Variants in LRRC4C observed in about 807,000 individuals in gnomAD.
The protein encoded by LRRC4C is leucine-rich repeat-containing protein 4C.
Under a neutral mutation model 33.6 loss-of-function variants are expected in LRRC4C, and 5 were observed. The observed-to-expected ratio is 0.15, with a 90% confidence interval of 0.08 to 0.31. LRRC4C has a LOEUF of 0.31. Ranked by LOEUF, LRRC4C falls within the 10% of genes least tolerant of loss-of-function variation. The pLI, the probability that LRRC4C is intolerant of heterozygous loss-of-function variation, is 1.00. For missense variants in LRRC4C, 560 were observed against 796.7 expected (o/e 0.70, Z 3.58); for synonymous variants, 329 against 302.0 (o/e 1.09, Z -0.93).
chr11:40,916,972 C>G (rs1956989287), intron 2 of LRRC4C, among the ~76,000 whole-genome samples: 1 of 152,018 alleles, frequency 6.6e-6, no homozygotes, highest in South Asian at 2.1e-4. Flanking sequence ...ACAGTATTTT[C>G]TAATATTTTC....
chr11:40,446,473 T>C (rs1292313032), intron 3 of LRRC4C: 1 of 152,176 alleles, frequency 6.6e-6, no homozygotes, highest in Non-Finnish European at 1.5e-5. Context: ...TTACTTGATA[T>C]GTGGGTGTGT....
chr11:41,449,966 A>G (rs1434126499), intron 1 of LRRC4C, among the ~76,000 whole-genome samples: 3 of 152,130 alleles, frequency 2.0e-5, no homozygotes, highest in Non-Finnish European at 1.5e-5. Flanking sequence ...TCATCCCTCT[A>G]GCTTGAGAGA....
chr11:41,110,908 G>A (rs1248189526), intron 1 of LRRC4C, among the ~76,000 whole-genome samples: 1 of 151,970 alleles, frequency 6.6e-6, no homozygotes, highest in Non-Finnish European at 1.5e-5. Flanking sequence ...TGGAGATCTT[G>A]TTAACACATA....
Position 40,389,722 on chromosome 11 carries a change from G to A in LRRC4C, c.-269-70001C>T, listed in dbSNP as rs538429445. Among the ~76,000 whole-genome samples, 4 of 152,176 alleles carry A rather than the reference G, an allele frequency of 2.6e-5. No individual in the cohort carries two copies. In the South Asian group the frequency reaches 8.3e-4, roughly 32 times the overall value. On this transcript the variant is annotated intron_variant, in intron 3 of 6. Transcript: ENST00000528697. ...TACAGTGAAGGATTATCTGATAAAAGCTATAAAAATGAGACACACTGCTGT... is the reference window on the plus strand; with the variant it reads ...TACAGTGAAGGATTATCTGATAAAAACTATAAAAATGAGACACACTGCTGT...
chr11:40,281,838 A>T (rs183604797), intron 4 of LRRC4C, among the ~76,000 whole-genome samples: 1 of 152,278 alleles, frequency 6.6e-6, no homozygotes, highest in Non-Finnish European at 1.5e-5. Flanking sequence ...TATCATCAGA[A>T]AAAGGCTTTC....
intron 4 of LRRC4C, among the ~76,000 whole-genome samples, chr11:40,296,565 G>A (rs924257716): frequency 6.6e-6 from 1 of 152,138 alleles, no homozygotes; most frequent in Non-Finnish European, 1.5e-5. Flanking sequence ...CATGCAGGCT[G>A]TCATTTTCTG....
intron 2 of LRRC4C, among the ~76,000 whole-genome samples, chr11:40,821,183 T>C (rs902928569): frequency 3.6e-4 from 54 of 151,822 alleles, no homozygotes; most frequent in African/African-American, 1.3e-3. Context: ...TTCATGTTCA[T>C]GGATTGAAAC....
rs34749380 is a variant in LRRC4C at position 40,432,189 on chromosome 11, A to AT, written c.-269-112469dup. Among the ~76,000 whole-genome samples the AT allele has an allele frequency of 1.3e-3, 193 of 150,746 alleles. 1 individual carries two copies. The highest frequency in any genetic ancestry group is 2.1e-3 in the Non-Finnish European group (144 of 67,594). ...ACCTAACCACCCACATGTGCCATGC[A>AT]TTTTTTTTTTCTTCTTTGACATGCC... On this transcript the variant is annotated intron_variant, in intron 3 of 6. Coordinates refer to ENST00000528697, the MANE Select transcript of LRRC4C (RefSeq NM_001258419.2).
chr11:40,354,091 A>G (rs1306196535), intron 3 of LRRC4C, among the ~76,000 whole-genome samples: 1 of 152,174 alleles, frequency 6.6e-6, no homozygotes, highest in African/African-American at 2.4e-5. Context: ...AAATCCAGTA[A>G]TTCTGTGACT....
At chr11:40,317,445 C>G (rs185253506) in intron 4 of LRRC4C, among the ~76,000 whole-genome samples, 1 of 152,078 alleles carries the variant, frequency 6.6e-6, no homozygotes, top group Non-Finnish European at 1.5e-5. Flanking sequence ...GAAGGATGCT[C>G]TAGCTTGAAA....
chr11:40,426,746 G>C (rs190410132), intron 3 of LRRC4C, among the ~76,000 whole-genome samples: 5 of 152,204 alleles, frequency 3.3e-5, no homozygotes, highest in Non-Finnish European at 7.3e-5. Flanking sequence ...CAGGTATAGA[G>C]AAGTTTGTCC....
intron 2 of LRRC4C, among the ~76,000 whole-genome samples, chr11:40,849,478 T>C (rs1350310281): frequency 6.6e-6 from 1 of 152,234 alleles, no homozygotes; most frequent in Non-Finnish European, 1.5e-5. Context: ...CCCCACTCTC[T>C]TCTGGCTTGC....
intron 2 of LRRC4C, among the ~76,000 whole-genome samples, chr11:40,798,750 T>C (rs552607194): frequency 4.6e-5 from 7 of 151,866 alleles, no homozygotes; most frequent in Non-Finnish European, 8.8e-5. Flanking sequence ...TTCAAGTGAT[T>C]CTCCTGCCTC....
intron 1 of LRRC4C, among the ~76,000 whole-genome samples, chr11:41,096,823 C>T (rs1282027860): frequency 1.3e-5 from 2 of 152,048 alleles, no homozygotes; most frequent in Non-Finnish European, 2.9e-5. Context: ...ATCCAAAGAG[C>T]AAAGAAGAGC....
chr11:41,106,884 T>G (rs991601727), intron 1 of LRRC4C, among the ~76,000 whole-genome samples: 3 of 151,760 alleles, frequency 2.0e-5, no homozygotes, highest in African/African-American at 7.3e-5. Context: ...GACATGGTGG[T>G]GTTCTGTAGT....
At chr11:40,116,430 C>G in intron 6 of LRRC4C, 96 bp from the exon 7 acceptor site, 1 of 1,273,412 alleles carries the variant, frequency 7.9e-7, no homozygotes, top group Non-Finnish European at 1.1e-6. Context: ...TCAGCTAAAG[C>G]CATCATGTGT....
chr11:41,412,565 G>A (rs982788026), intron 1 of LRRC4C, among the ~76,000 whole-genome samples: 6 of 152,202 alleles, frequency 3.9e-5, no homozygotes, highest in African/African-American at 9.6e-5. Flanking sequence ...CACATCTTTC[G>A]TCTGTTCATT....
intron 3 of LRRC4C, among the ~76,000 whole-genome samples, chr11:40,427,644 A>G (rs974183523): frequency 6.6e-6 from 1 of 152,130 alleles, no homozygotes; most frequent in Non-Finnish European, 1.5e-5. Context: ...AGTGGGTAAC[A>G]TGGTGAAGCC....
At chr11:40,541,870 T>C (rs963006164) in intron 3 of LRRC4C, among the ~76,000 whole-genome samples, 1 of 152,140 alleles carries the variant, frequency 6.6e-6, no homozygotes, top group African/African-American at 2.4e-5. Context: ...CAATTTTCTC[T>C]GACATCACTT....
Sources: gnomAD v4.1 joint callset for allele counts (sites outside exome capture counted in the v4.1 genomes callset) on GRCh38, gnomAD v4.1.1 for gene constraint, MANE v1.5 for transcripts, NCBI Gene and HGNC (gene_info 2026-07-23, HGNC 2026-07-21) for gene names.